The following GLRA2 variants were observed in gnomAD, a reference collection of about 807,000 sequenced individuals.
GLRA2 encodes glycine receptor alpha 2.
GLRA2 carries 11 observed loss-of-function variants against 31.6 expected under a neutral mutation model. That is an observed-to-expected ratio of 0.35 (90% CI 0.22 to 0.58). The LOEUF is 0.58. Ranked by LOEUF, GLRA2 falls within the 20% of genes least tolerant of loss-of-function variation. The probability of loss-of-function intolerance (pLI) is 0.84; values close to 1 mark genes in which losing one functional copy is unlikely to be tolerated. For missense variants in GLRA2, 212 were observed against 351.8 expected (o/e 0.60, Z 3.18); for synonymous variants, 132 against 134.0 (o/e 0.99, Z 0.10).
At chrX:14,472,753 CAG>C in the GLRA2 span, among the ~76,000 whole-genome samples, 280 of 111,730 alleles carry the variant, frequency 2.5e-3, no homozygotes, top group African/African-American at 8.7e-3. Flanking sequence ...TCTGAACTCA[CAG>C]AGATTCAGAT....
chrX:14,518,099 T>C, the GLRA2 span, among the ~76,000 whole-genome samples: 15 of 111,544 alleles, frequency 1.3e-4, no homozygotes, highest in Non-Finnish European at 2.6e-4. Context: ...AGTAAACATA[T>C]TGAAATGGTA....
chrX:14,498,062 A>G, the GLRA2 span, among the ~76,000 whole-genome samples: 2 of 111,517 alleles, frequency 1.8e-5, no homozygotes, highest in African/African-American at 3.3e-5. Context: ...TTTAAAAAGT[A>G]AAGAAGTTAT....
intron 2 of GLRA2, among the ~76,000 whole-genome samples, chrX:14,563,682 T>C (rs1229101257): frequency 9.0e-6 from 1 of 111,400 alleles, no homozygotes; most frequent in African/African-American, 3.3e-5. Flanking sequence ...GTCTTAAATA[T>C]GCTCAAAGAT....
At chrX:14,701,071 ATTGT>A (rs2091533853) in intron 8 of GLRA2, among the ~76,000 whole-genome samples, 1 of 110,548 alleles carries the variant, frequency 9.0e-6, no homozygotes. Flanking sequence ...ATGGCATCTG[ATTGT>A]TTTCTGTGAC....
intron 2 of GLRA2, among the ~76,000 whole-genome samples, chrX:14,533,491 T>C (rs1461903107): frequency 9.3e-6 from 1 of 107,173 alleles, no homozygotes; most frequent in Non-Finnish European, 1.9e-5. Flanking sequence ...CCAAGAGAGA[T>C]AACTGAACTA....
intron 7 of GLRA2, among the ~76,000 whole-genome samples, chrX:14,681,910 A>AAAAAAAATATAT (rs758563376): frequency 2.4e-5 from 1 of 41,276 alleles, no homozygotes; most frequent in African/African-American, 1.2e-4. Flanking sequence ...AAAAAAAAAA[A>AAAAAAAATATAT]ATATATATAT....
In GLRA2 at chrX:14,730,744, A is replaced by G; in HGVS notation, c.*259A>G. 2.9e-6 allele frequency: 1 copy of G among 339,164 alleles called. No individual in the cohort carries two copies. The highest frequency in any genetic ancestry group is 4.6e-5 in the Admixed American group (1 of 21,616). The allele number at this position is 339,164 out of a possible 1,213,427, so 28.0% of individuals were successfully genotyped here. On this transcript the variant is annotated 3_prime_UTR_variant, in exon 9 of 9. Coordinates refer to ENST00000218075, the MANE Select transcript of GLRA2 (RefSeq NM_002063.4). The stretch of plus-strand genomic sequence containing the variant: ...CCATAATCTTTAGCATTGTTCTTTC[A>G]GTCAGACATGATATGCGCAACATTC...
At chrX:14,523,076 A>T in the GLRA2 span, among the ~76,000 whole-genome samples, 3 of 112,221 alleles carry the variant, frequency 2.7e-5, no homozygotes, top group South Asian at 1.1e-3. Flanking sequence ...TTTCATCTAC[A>T]TTGAAAATCT....
At chrX:14,627,174 G>C (rs1460405945) in intron 7 of GLRA2, among the ~76,000 whole-genome samples, 2 of 111,395 alleles carry the variant, frequency 1.8e-5, no homozygotes, top group Non-Finnish European at 3.8e-5. Context: ...AATCCAAATA[G>C]AGAACACTCA....
chrX:14,486,432 G>A, the GLRA2 span, among the ~76,000 whole-genome samples: 1 of 111,386 alleles, frequency 9.0e-6, no homozygotes, highest in Non-Finnish European at 1.9e-5. Context: ...AATAGACCAT[G>A]AAAAGTAAGA....
In GLRA2 at chrX:14,627,951, A is replaced by C. The variant is rs182232851; in HGVS notation, c.930+18746A>C. ...CTTTTTGTGGGACTCTGTAGAAAGT[A>C]TGCTGGACAAATACGGAAATAGCAT... On this transcript the variant is annotated intron_variant, in intron 7 of 8. Transcript: ENST00000218075. Among the ~76,000 whole-genome samples, 558 of 111,938 alleles carry C rather than the reference A, an allele frequency of 5.0e-3. 7 individuals carry two copies. Among genetic ancestry groups the C allele is most frequent in the African/African-American group, 0.017 (535 of 30,922 alleles).
chrX:14,681,906 A>ATATATAT (rs1449879160), intron 7 of GLRA2, among the ~76,000 whole-genome samples: 8 of 39,347 alleles, frequency 2.0e-4, no homozygotes, highest in African/African-American at 4.9e-4. Flanking sequence ...AAAAAAAAAA[A>ATATATAT]AAAAATATAT....
At chrX:14,649,182 C>G (rs2090864284) in intron 7 of GLRA2, among the ~76,000 whole-genome samples, 1 of 109,555 alleles carries the variant, frequency 9.1e-6, no homozygotes, top group South Asian at 4.0e-4. Context: ...CCACTGCACT[C>G]CAGCCTGATG....
chrX:14,572,165 A>G (rs944699254), intron 2 of GLRA2, among the ~76,000 whole-genome samples: 1 of 112,406 alleles, frequency 8.9e-6, no homozygotes, highest in African/African-American at 3.2e-5. Context: ...GCCACTTATC[A>G]GGAAAGATAA....
At chrX:14,543,209 C>A (rs1419913521) in intron 2 of GLRA2, among the ~76,000 whole-genome samples, 7 of 90,360 alleles carry the variant, frequency 7.7e-5, no homozygotes, top group Non-Finnish European at 1.5e-4. Flanking sequence ...GCCACTTAAC[C>A]TCTTTGGGAG....
At chrX:14,566,638 C>A (rs921109351) in intron 2 of GLRA2, among the ~76,000 whole-genome samples, 1 of 111,684 alleles carries the variant, frequency 9.0e-6, no homozygotes, top group African/African-American at 3.3e-5. Context: ...CTTCTTCCCA[C>A]CTGAATGGTA....
chrX:14,625,383 T>C (rs1343190995), intron 7 of GLRA2, among the ~76,000 whole-genome samples: 1 of 111,567 alleles, frequency 9.0e-6, no homozygotes, highest in Admixed American at 9.5e-5. Context: ...AATTTGATCC[T>C]GTCATTATGA....
intron 7 of GLRA2, among the ~76,000 whole-genome samples, chrX:14,632,613 G>A (rs1032689234): frequency 1.8e-4 from 20 of 111,052 alleles, no homozygotes; most frequent in African/African-American, 5.6e-4. Context: ...AGGTAATATC[G>A]TTCAACATAT....
chrX:14,569,121 G>C (rs1328170387), intron 2 of GLRA2, among the ~76,000 whole-genome samples: 1 of 110,807 alleles, frequency 9.0e-6, no homozygotes, highest in Non-Finnish European at 1.9e-5. Context: ...CAGGCATGAT[G>C]GTGGGTGCCT....
Sources: allele counts gnomAD v4.1 joint callset (sites outside exome capture counted in the v4.1 genomes callset), GRCh38; gene constraint gnomAD v4.1.1; transcripts MANE v1.5; gene names NCBI Gene and HGNC (gene_info 2026-07-23, HGNC 2026-07-21).